DNAAF5: variants seen among roughly 807,000 people sequenced by gnomAD.
DNAAF5 encodes dynein axonemal assembly factor 5.
Under a neutral mutation model 75.8 loss-of-function variants are expected in DNAAF5, and 64 were observed. That is an observed-to-expected ratio of 0.84 (90% CI 0.69 to 1.04). The LOEUF (loss-of-function observed/expected upper bound fraction) is 1.04, where lower values mean the gene tolerates loss of function less well. Ranked by LOEUF, DNAAF5 falls within the 50% of genes least tolerant of loss-of-function variation. The probability of loss-of-function intolerance (pLI) is 0.00; values close to 1 mark genes in which losing one functional copy is unlikely to be tolerated. For missense variants in DNAAF5, 1,269 were observed against 1,178.5 expected, an observed-to-expected ratio of 1.08 and a Z score of -1.12; for synonymous variants, 657 against 557.2, an observed-to-expected ratio of 1.18 and a Z score of -2.52.
At position 754,945 on chromosome 7, in the gene DNAAF5, G is replaced by A. The variant is rs529048061; in HGVS notation, c.1257+124G>A. The A allele has an allele frequency of 4.2e-5, 29 of 691,400 alleles. No individual in the cohort carries two copies. Among genetic ancestry groups the A allele is most frequent in the Admixed American group, 3.3e-4 (11 of 33,608 alleles). The allele number at this position is 691,400 out of a possible 1,614,324, so 42.8% of individuals were successfully genotyped here. On this transcript the variant is annotated intron_variant, in intron 5 of 12. Transcript: ENST00000297440. The surrounding 1 kb of genome is among the most constrained non-coding windows in gnomAD (Gnocchi z 4.8). ...ACAGCGTTCCCCTCACCCCCGGGCC[G>A]CAGGCCCTCCCCACACCCAGCCCCT...
chr7:752,744 C>T (rs950501291), intron 4 of DNAAF5, among the ~76,000 whole-genome samples: 5 of 152,238 alleles, frequency 3.3e-5, no homozygotes, highest in Non-Finnish European at 5.9e-5. Flanking sequence ...TCAAAATGAA[C>T]ACTTCTGCTT....
intron 9 of DNAAF5, among the ~76,000 whole-genome samples, chr7:773,795 G>A (rs1778655280): frequency 1.3e-5 from 2 of 152,140 alleles, no homozygotes; most frequent in Admixed American, 1.3e-4. Flanking sequence ...CGCCTCTGGA[G>A]AACAGGACCT....
At position 754,517 on chromosome 7, in the gene DNAAF5, G is replaced by A; in HGVS notation, c.1025-72G>A. 7.9e-7 allele frequency: 1 copy of A among 1,268,428 alleles called. No individual in the cohort carries two copies. Among genetic ancestry groups the A allele is most frequent in the African/African-American group, 1.5e-5 (1 of 68,226 alleles). The allele number at this position is 1,268,428 out of a possible 1,614,324, so 78.6% of individuals were successfully genotyped here. On this transcript the variant is annotated intron_variant, in intron 4 of 12. Coordinates refer to ENST00000297440, the MANE Select transcript of DNAAF5 (RefSeq NM_017802.4). The surrounding 1 kb of genome is among the most constrained non-coding windows in gnomAD (Gnocchi z 4.8). ...AAACTCACAGGTGTCCCTTAAATGT[G>A]ATGTGCGGTAACTTGAGTTGTTGAG... is the stretch of plus-strand genomic sequence containing the variant.
At chr7:757,069 T>C in intron 6 of DNAAF5, 75 bp downstream of exon 6, 2 of 1,410,440 alleles carry the variant, frequency 1.4e-6, no homozygotes, top group Non-Finnish European at 1.9e-6. Flanking sequence ...CGTAATGACA[T>C]GTCTGTGGGT....
intron 4 of DNAAF5, among the ~76,000 whole-genome samples, chr7:745,044 A>G (rs1166075633): frequency 6.6e-6 from 1 of 152,198 alleles, no homozygotes; most frequent in Admixed American, 6.5e-5. Flanking sequence ...CTCTCCCTCC[A>G]GCCGCCTGTG....
intron 2 of DNAAF5, among the ~76,000 whole-genome samples, chr7:731,820 A>T (rs1039649143): frequency 1.3e-5 from 2 of 151,894 alleles, no homozygotes; most frequent in Non-Finnish European, 2.9e-5. Flanking sequence ...ACGGCCCTTC[A>T]CGTGAGTTTC....
chr7:770,963 C>CACAAGCTCTCGGCGGGGA (rs1554255372), intron 9 of DNAAF5: 1 of 189,028 alleles, frequency 5.3e-6, no homozygotes, highest in East Asian at 1.2e-4. Context: ...ACTGGGTAAA[C>CACAAGCTCTCGGCGGGGA]ACAAGCTCTC....
chr7:731,388 ACT>A (rs1240820245), intron 2 of DNAAF5, among the ~76,000 whole-genome samples: 2 of 152,132 alleles, frequency 1.3e-5, no homozygotes. Flanking sequence ...AAATACTGGA[ACT>A]CTATTGCTAG....
intron 12 of DNAAF5, among the ~76,000 whole-genome samples, chr7:781,254 C>G (rs965812455): frequency 6.6e-6 from 1 of 152,182 alleles, no homozygotes; most frequent in South Asian, 2.1e-4. Context: ...ATTTTTAGTT[C>G]CCACAAATGA....
intron 2 of DNAAF5, among the ~76,000 whole-genome samples, chr7:730,980 G>T (rs73256268): frequency 6.6e-6 from 1 of 152,208 alleles, no homozygotes; most frequent in African/African-American, 2.4e-5. Context: ...TGTCCATGCT[G>T]CCCGGCACTT....
chr7:784,147 C>G (rs1779073979), intron 12 of DNAAF5, among the ~76,000 whole-genome samples: 1 of 152,182 alleles, frequency 6.6e-6, no homozygotes, highest in African/African-American at 2.4e-5. Flanking sequence ...CTGCCTGCAC[C>G]TCTGAGCAGC....
At chr7:783,915 C>T (rs1779064787) in intron 12 of DNAAF5, among the ~76,000 whole-genome samples, 2 of 152,152 alleles carry the variant, frequency 1.3e-5, no homozygotes, top group Non-Finnish European at 2.9e-5. Context: ...CCGGCCCTCT[C>T]GCCTCCCCAG....
chr7:728,342 G>T (rs989444721), intron 1 of DNAAF5, among the ~76,000 whole-genome samples: 4 of 152,234 alleles, frequency 2.6e-5, no homozygotes, highest in Non-Finnish European at 5.9e-5. Context: ...GGCCGTCCCA[G>T]TGATGTCCCA....
At chr7:744,961 T>G (rs1454609779) in intron 4 of DNAAF5, among the ~76,000 whole-genome samples, 1 of 152,194 alleles carries the variant, frequency 6.6e-6, no homozygotes, top group Non-Finnish European at 1.5e-5. Context: ...AACTCACTGT[T>G]GAACTCACAC....
rs769695055 is a variant in DNAAF5, at chr7:754,861, C to T, written c.1257+40C>T. ...TCCAGTCGTGGTCGCGGAGCTGTAA[C>T]TCGAGCTTAAGATCCCGCCTCTGTG... is the stretch of plus-strand genomic sequence containing the variant. On this transcript the variant is annotated intron_variant, in intron 5 of 12. Transcript: ENST00000297440. This position sits in a 1 kb window ranked among gnomAD's most constrained non-coding sequence, Gnocchi z 4.8. 6.2e-6 allele frequency: 9 copies of T among 1,455,418 alleles called. No individual in the cohort carries two copies. In the African/African-American group the frequency reaches 9.7e-5, roughly 16 times the overall value. The allele number at this position is 1,455,418 out of a possible 1,614,324, so 90.2% of individuals were successfully genotyped here.
chr7:735,953 A>C (rs866500382), intron 2 of DNAAF5, among the ~76,000 whole-genome samples: 1 of 152,066 alleles, frequency 6.6e-6, no homozygotes, highest in African/African-American at 2.4e-5. Context: ...CTGTTTTTGC[A>C]TATTGTGTTT....
intron 9 of DNAAF5, chr7:771,042 G>A (rs1260592646): frequency 6.3e-6 from 1 of 158,468 alleles, no homozygotes; most frequent in African/African-American, 2.4e-5. Context: ...TCCAGTGAAT[G>A]AAAAAGTTTT....
rs1211581389 is a variant in DNAAF5, at chr7:785,898, G to C, written c.*245G>C. ...ATCTGCAGCTGATTTGAAATTAAAA[G>C]TAAGTCGCAGCCGCTCCTCCCGCAG... is the stretch of plus-strand genomic sequence containing the variant. On this transcript the variant is annotated 3_prime_UTR_variant, in exon 13 of 13. Transcript: ENST00000297440. The C allele has an allele frequency of 2.1e-6, 1 of 476,750 alleles. No individual in the cohort carries two copies. The highest frequency in any genetic ancestry group is 4.0e-5 in the Admixed American group (1 of 25,244). 29.5% of individuals were successfully genotyped at this position (476,750 alleles called of 1,614,324 possible). A position where few individuals can be genotyped will look rare whatever the true frequency, so the allele number is the denominator to read the frequency against.
chr7:785,375 T>C (rs1326392009), intron 12 of DNAAF5, 142 bp from the exon 13 acceptor site: 1 of 875,828 alleles, frequency 1.1e-6, no homozygotes, highest in East Asian at 2.4e-5. Flanking sequence ...TTGTGACTAC[T>C]GTATGTCCAC....
Sources: gnomAD v4.1 joint callset for allele counts (sites outside exome capture counted in the v4.1 genomes callset) on GRCh38, gnomAD v4.1.1 for gene constraint, Gnocchi (gnomAD v3.1) non-coding constraint, MANE v1.5 for transcripts, NCBI Gene and HGNC (gene_info 2026-07-23, HGNC 2026-07-21) for gene names.